The following TEX11 variants were observed in gnomAD, a reference collection of about 807,000 sequenced individuals.
TEX11 encodes the protein testis expressed 11.
TEX11 carries 7 observed loss-of-function variants against 84.4 expected under a neutral mutation model. The observed-to-expected ratio is 0.08, with a 90% CI of 0.05 to 0.16. The LOEUF (loss-of-function observed/expected upper bound fraction) is 0.16, where lower values mean the gene tolerates loss of function less well. Among genes scored for constraint, TEX11 ranks in the 10% least tolerant of loss-of-function variants. The pLI is 1.00. For synonymous variants in TEX11, 264 were observed against 222.8 expected (o/e 1.18, Z -1.64); for missense variants, 551 against 660.5 (o/e 0.83, Z 1.82).
At chrX:70,659,939 C>T (rs755700383) in intron 16 of TEX11, among the ~76,000 whole-genome samples, 19 of 111,998 alleles carry the variant, frequency 1.7e-4, no homozygotes, top group African/African-American at 6.2e-4. Context: ...TGTACTTACA[C>T]AAACTTAGAT....
chrX:70,538,693 A>G (rs1391707923), intron 28 of TEX11, among the ~76,000 whole-genome samples: 1 of 110,549 alleles, frequency 9.0e-6, no homozygotes, highest in Non-Finnish European at 1.9e-5. Context: ...AAGAAATAAC[A>G]CGGCTGCAAT....
At chrX:70,626,055 C>A (rs1043294678) in intron 18 of TEX11, among the ~76,000 whole-genome samples, 1 of 111,238 alleles carries the variant, frequency 9.0e-6, no homozygotes, top group Non-Finnish European at 1.9e-5. Context: ...GCATATTTTC[C>A]GCATTTTCAA....
chrX:70,887,875 G>C (rs1204633329), intron 2 of TEX11, among the ~76,000 whole-genome samples: 2 of 111,115 alleles, frequency 1.8e-5, no homozygotes, highest in African/African-American at 6.6e-5. Context: ...CCAGATCCAG[G>C]CTTCCAGAAC....
intron 2 of TEX11, among the ~76,000 whole-genome samples, chrX:70,881,022 A>C (rs1031040904): frequency 9.4e-6 from 1 of 106,504 alleles, no homozygotes; most frequent in Non-Finnish European, 1.9e-5. Flanking sequence ...AAAAAAAAAA[A>C]AAAAAAAACT....
At chrX:70,685,263 G>C (rs749364147) in intron 13 of TEX11, among the ~76,000 whole-genome samples, 13 of 111,693 alleles carry the variant, frequency 1.2e-4, no homozygotes, top group Non-Finnish European at 2.1e-4. Context: ...ATGCGGGGAG[G>C]GCTGAGGCAC....
chrX:70,564,745 T>C (rs1424855498), intron 25 of TEX11, among the ~76,000 whole-genome samples: 2 of 108,688 alleles, frequency 1.8e-5, no homozygotes, highest in Non-Finnish European at 3.8e-5. Context: ...CATCATTTTT[T>C]ATGGCTGCAT....
chrX:70,892,665 G>A (rs923261077), intron 2 of TEX11, among the ~76,000 whole-genome samples: 11 of 109,664 alleles, frequency 1.0e-4, no homozygotes, highest in African/African-American at 3.0e-4. Context: ...CCTGGGAGGC[G>A]GAGGTTGCAG....
intron 11 of TEX11, among the ~76,000 whole-genome samples, chrX:70,739,669 C>A (rs765800477): frequency 9.0e-6 from 1 of 111,677 alleles, no homozygotes; most frequent in East Asian, 2.8e-4. Context: ...CTCAGCCTCC[C>A]AAAGTGCTGG....
In TEX11 at chrX:70,675,661, G is replaced by T. The variant is rs142639969; in HGVS notation, c.1242+3143C>A. On this transcript the variant is annotated intron_variant, in intron 15 of 29. Coordinates refer to ENST00000374333, the MANE Select transcript of TEX11 (RefSeq NM_031276.3). ...TTTCTTTTCTTTTTCTCAGAGTCTCGCTCTGTTGCCCAGGCTGGAGTGCAG... is the reference window on the plus strand; with the variant it reads ...TTTCTTTTCTTTTTCTCAGAGTCTCTCTCTGTTGCCCAGGCTGGAGTGCAG... 2.2e-3 allele frequency among the ~76,000 whole-genome samples: 226 copies of T among 103,571 alleles called. 2 individuals are homozygous for T. The highest frequency in any genetic ancestry group is 8.0e-3 in the African/African-American group (222 of 27,900). The allele number at this position is 103,571 out of a possible 115,157, so 89.9% of individuals were successfully genotyped here. A position where few individuals can be genotyped will look rare whatever the true frequency, so the allele number is the denominator to read the frequency against.
chrX:70,750,927 A>ATAT (rs1556039261), intron 9 of TEX11, among the ~76,000 whole-genome samples: 2 of 25,799 alleles, frequency 7.8e-5, no homozygotes, highest in African/African-American at 1.9e-4. Context: ...ATAATAAAAA[A>ATAT]AAAAAAATAT....
chrX:70,898,683 G>A (rs2091786468), intron 2 of TEX11, among the ~76,000 whole-genome samples: 1 of 107,551 alleles, frequency 9.3e-6, no homozygotes, highest in Non-Finnish European at 1.9e-5. Context: ...TCAGCTCACT[G>A]CAAGCTCCGC....
intron 18 of TEX11, among the ~76,000 whole-genome samples, chrX:70,628,107 G>A (rs2089469345): frequency 1.8e-5 from 2 of 109,782 alleles, no homozygotes; most frequent in South Asian, 8.0e-4. Flanking sequence ...GCGCACACCT[G>A]TAATCCCAGC....
intron 9 of TEX11, among the ~76,000 whole-genome samples, chrX:70,750,938 A>G (rs1334196930): frequency 1.9e-5 from 1 of 53,055 alleles, no homozygotes; most frequent in Non-Finnish European, 3.1e-5. Context: ...AAAAAAATAT[A>G]TATATATATA....
At chrX:70,746,453 G>T (rs2090768205) in intron 9 of TEX11, among the ~76,000 whole-genome samples, 1 of 111,284 alleles carries the variant, frequency 9.0e-6, no homozygotes, top group Admixed American at 9.6e-5. Flanking sequence ...CATGTCAAAA[G>T]GGCACACTAA....
At chrX:70,677,416 G>T (rs1048792214) in intron 15 of TEX11, among the ~76,000 whole-genome samples, 1 of 111,458 alleles carries the variant, frequency 9.0e-6, no homozygotes, top group South Asian at 3.8e-4. Flanking sequence ...CACTGTTCCC[G>T]CTAATATTTT....
intron 5 of TEX11, among the ~76,000 whole-genome samples, chrX:70,856,847 A>AT (rs200216273): frequency 4.5e-3 from 440 of 96,943 alleles, no homozygotes; most frequent in Non-Finnish European, 7.0e-3. Context: ...CGTTCAACAG[A>AT]TTTTTTTTTT....
chrX:70,707,387 A>G (rs368469592), intron 13 of TEX11, among the ~76,000 whole-genome samples: 50 of 110,989 alleles, frequency 4.5e-4, no homozygotes, highest in African/African-American at 1.6e-3. Flanking sequence ...AAACGATACT[A>G]AATACTTTAT....
chrX:70,696,169 C>T (rs1403064101), intron 13 of TEX11, among the ~76,000 whole-genome samples: 1 of 111,421 alleles, frequency 9.0e-6, no homozygotes, highest in African/African-American at 3.3e-5. Flanking sequence ...GGTTGATCTG[C>T]CACTATGGAG....
chrX:70,730,736 CA>C (rs2090641246), intron 11 of TEX11, among the ~76,000 whole-genome samples: 1 of 111,530 alleles, frequency 9.0e-6, no homozygotes, highest in African/African-American at 3.3e-5. Context: ...CAACATTAGA[CA>C]GATCAACACG....
Sources: allele counts gnomAD v4.1 joint callset (sites outside exome capture counted in the v4.1 genomes callset), GRCh38; gene constraint gnomAD v4.1.1; transcripts MANE v1.5; gene names NCBI Gene and HGNC (gene_info 2026-07-23, HGNC 2026-07-21).